XRCC2: variants seen among roughly 807,000 people sequenced by gnomAD.
XRCC2 encodes X-ray repair cross complementing 2.
Under a neutral mutation model 27.3 loss-of-function variants are expected in XRCC2, and 24 were observed. The observed-to-expected ratio is 0.88, with a 90% confidence interval of 0.64 to 1.24. The LOEUF (loss-of-function observed/expected upper bound fraction) is 1.24, where lower values mean the gene tolerates loss of function less well. XRCC2 is among the 50% of genes most tolerant of loss of function. The probability of loss-of-function intolerance (pLI) is 0.00; values close to 1 mark genes in which losing one functional copy is unlikely to be tolerated. For synonymous variants in XRCC2, 106 were observed against 115.4 expected, an observed-to-expected ratio of 0.92 and a Z score of 0.52; for missense variants, 321 against 325.8, an observed-to-expected ratio of 0.99 and a Z score of 0.11.
intron 2 of XRCC2, among the ~76,000 whole-genome samples, chr7:152,655,811 G>T (rs1375817316): frequency 6.6e-6 from 1 of 152,068 alleles, no homozygotes; most frequent in Admixed American, 6.6e-5. Flanking sequence ...AGGAGTTCAA[G>T]ACCAGCCTGG....
intron 2 of XRCC2, among the ~76,000 whole-genome samples, chr7:152,655,094 G>A (rs981371296): frequency 4.6e-5 from 7 of 152,062 alleles, no homozygotes; most frequent in African/African-American, 7.2e-5. Flanking sequence ...GTGACAACTC[G>A]CAGTAAAAAA....
chr7:152,649,307 G>T lies in XRCC2; in HGVS notation c.178C>A (p.His60Asn). 1 of 1,611,568 alleles carries T rather than the reference G, an allele frequency of 6.2e-7. No homozygotes were observed. Residue 60 changes from histidine to asparagine, a missense_variant, in exon 3 of 3, where the codon CAC becomes AAC. Transcript: ENST00000359321. Reference sequence around the variant, plus strand: ...GGAAGTATACATCGTGCTGTTAGGTGATAAAGCATTTCTGTTTTTCCTGTT... The same window carrying T: ...GGAAGTATACATCGTGCTGTTAGGTTATAAAGCATTTCTGTTTTTCCTGTT... ...EGTGKTEMLY[H>N]LTARCILPKS...
intron 2 of XRCC2, among the ~76,000 whole-genome samples, chr7:152,657,514 C>A (rs1057063514): frequency 6.6e-6 from 1 of 152,098 alleles, no homozygotes; most frequent in African/African-American, 2.4e-5. Flanking sequence ...TGGCCTTGAA[C>A]TTCTGACCTC....
At chr7:152,661,601 A>G (rs1178020510) in intron 1 of XRCC2, among the ~76,000 whole-genome samples, 2 of 152,212 alleles carry the variant, frequency 1.3e-5, no homozygotes, top group Non-Finnish European at 2.9e-5. Flanking sequence ...TGCAGAGGTT[A>G]TAAATAGCAT....
intron 1 of XRCC2, among the ~76,000 whole-genome samples, chr7:152,667,634 T>G (rs1306390795): frequency 6.6e-6 from 1 of 151,594 alleles, no homozygotes; most frequent in African/African-American, 2.4e-5. Context: ...TATACTGAAT[T>G]ATAAAGGGGG....
At position 152,647,349 on chromosome 7, in the gene XRCC2, C is replaced by G. The variant is rs1025651915; in HGVS notation, c.*1293G>C. ...CAACAATTTTCTCCCATTCTGTAAG[C>G]TGTCTGTTTACTCTCTTGATAGTTT... is the stretch of plus-strand genomic sequence containing the variant. On this transcript the variant is annotated 3_prime_UTR_variant, in exon 3 of 3. Transcript: ENST00000359321. The G allele has an allele frequency of 1.3e-5, 2 of 149,722 alleles. No homozygotes were observed. Among genetic ancestry groups the G allele is most frequent in the African/African-American group, 5.1e-5 (2 of 39,198 alleles). The allele number at this position is 149,722 out of a possible 1,614,324, so 9.3% of individuals were successfully genotyped here. A position where few individuals can be genotyped will look rare whatever the true frequency, so the allele number is the denominator to read the frequency against.
At chr7:152,666,034 T>A (rs2098035477) in intron 1 of XRCC2, among the ~76,000 whole-genome samples, 1 of 151,752 alleles carries the variant, frequency 6.6e-6, no homozygotes, top group Non-Finnish European at 1.5e-5. Context: ...GATTTGCAAA[T>A]ATGTAAAACA....
chr7:152,644,883 G>A lies in XRCC2; in HGVS notation c.*3759C>T, dbSNP rs1027660221. ...AAAATGTAGTATTCCTACACGTGATGTTAACATCGTTCTCAACAGTTAGCC... is the reference window on the plus strand; with the variant it reads ...AAAATGTAGTATTCCTACACGTGATATTAACATCGTTCTCAACAGTTAGCC... On this transcript the variant is annotated 3_prime_UTR_variant, in exon 3 of 3. Transcript: ENST00000359321. The A allele has an allele frequency of 4.6e-5, 7 of 152,214 alleles. No homozygotes were observed. The highest frequency in any genetic ancestry group is 7.3e-5 in the Non-Finnish European group (5 of 68,042). 9.4% of individuals were successfully genotyped at this position (152,214 alleles called of 1,614,324 possible).
chr7:152,654,926 A>AT (rs1160848260), intron 2 of XRCC2, among the ~76,000 whole-genome samples: 6 of 152,200 alleles, frequency 3.9e-5, no homozygotes, highest in Admixed American at 2.6e-4. Context: ...AGTTTTACTG[A>AT]TTTTATAAAC....
chr7:152,659,320 A>G (rs1218591263), intron 2 of XRCC2, among the ~76,000 whole-genome samples: 1 of 152,190 alleles, frequency 6.6e-6, no homozygotes, highest in Non-Finnish European at 1.5e-5. Flanking sequence ...GAAACAGACA[A>G]TTCAACAATA....
In XRCC2 at chr7:152,676,140, C is replaced by T. The variant is rs571503606; in HGVS notation, c.-61G>A. The stretch of plus-strand genomic sequence containing the variant: ...TCCCGCCACCAACGCCATTCACCAA[C>T]TGCGCAGACTCTACGGCCAGTCAAA... On this transcript the variant is annotated 5_prime_UTR_variant, in exon 1 of 3. Transcript: ENST00000359321. 8.7e-6 allele frequency: 14 copies of T among 1,610,360 alleles called. No individual in the cohort carries two copies. The highest frequency in any genetic ancestry group is 3.3e-4 in the Middle Eastern group (2 of 6,058).
At chr7:152,672,565 A>G (rs1165926971) in intron 1 of XRCC2, among the ~76,000 whole-genome samples, 1 of 152,180 alleles carries the variant, frequency 6.6e-6, no homozygotes, top group African/African-American at 2.4e-5. Flanking sequence ...CAAAATCACA[A>G]TGCTTGCTCC....
rs1057523098 is a variant in XRCC2 at position 152,649,376 on chromosome 7, T to A, written c.122-13A>T. 6.5e-7 allele frequency: 1 copy of A among 1,542,578 alleles called. No homozygotes were observed. The highest frequency in any genetic ancestry group is 8.7e-7 in the Non-Finnish European group (1 of 1,147,640). The stretch of plus-strand genomic sequence containing the variant: ...TCAAGAATATCACCTGTGTAAAATT[T>A]AAAAATCTCAGTCAAAATGCAGTAG... On this transcript the variant is annotated splice_polypyrimidine_tract_variant and intron_variant, in intron 2 of 2. Transcript: ENST00000359321.
At chr7:152,671,910 G>A (rs1324048783) in intron 1 of XRCC2, among the ~76,000 whole-genome samples, 1 of 151,992 alleles carries the variant, frequency 6.6e-6, no homozygotes, top group Non-Finnish European at 1.5e-5. Flanking sequence ...GCGTAGTGGT[G>A]TGTCCCTTTA....
At chr7:152,649,834 A>C (rs1198520694) in intron 2 of XRCC2, among the ~76,000 whole-genome samples, 1 of 152,188 alleles carries the variant, frequency 6.6e-6, no homozygotes, top group Non-Finnish European at 1.5e-5. Context: ...CGCCAGTGAG[A>C]TGCAGGCTGC....
In XRCC2 at chr7:152,660,180, C is replaced by T. The variant is rs573780786; in HGVS notation, c.121+521G>A. ...TGATTACTAGAAATGAGCTTCTTTA[C>T]GGGGAGATAAAATGCTCTAAAGTCA... On this transcript the variant is annotated intron_variant, in intron 2 of 2. Coordinates refer to ENST00000359321, the MANE Select transcript of XRCC2 (RefSeq NM_005431.2). Among the ~76,000 whole-genome samples, 18 of 152,068 alleles carry T rather than the reference C, an allele frequency of 1.2e-4. No individual in the cohort carries two copies. In the South Asian group the frequency reaches 2.5e-3, roughly 21 times the overall value.
In XRCC2 at chr7:152,648,413, G is replaced by GAAA; in HGVS notation, c.*226_*228dup. On this transcript the variant is annotated 3_prime_UTR_variant, in exon 3 of 3. Transcript: ENST00000359321. ...AGACAGAGTAAGACTGTTTCAAAAA[G>GAAA]AAAAAAAAAAAAAAAGAAAACTTTT... The GAAA allele has an allele frequency of 1.9e-5, 5 of 260,250 alleles. No individual in the cohort carries two copies. Among genetic ancestry groups the GAAA allele is most frequent in the South Asian group, 1.2e-4 (1 of 8,024 alleles). The allele number at this position is 260,250 out of a possible 1,614,324, so 16.1% of individuals were successfully genotyped here.
Position 152,646,678 on chromosome 7 carries a change from T to C in XRCC2, c.*1964A>G, listed in dbSNP as rs1444741663. The C allele has an allele frequency of 1.3e-5, 2 of 152,156 alleles. No individual in the cohort carries two copies. The highest frequency in any genetic ancestry group is 4.8e-5 in the African/African-American group (2 of 41,426). The allele number at this position is 152,156 out of a possible 1,614,324, so 9.4% of individuals were successfully genotyped here. A position where few individuals can be genotyped will look rare whatever the true frequency, so the allele number is the denominator to read the frequency against. On this transcript the variant is annotated 3_prime_UTR_variant, in exon 3 of 3. Transcript: ENST00000359321. ...TTTTAATAGAGATGGGGTTTCACCG[T>C]GTTGCCCAGGCTGGTCTTGACCTCC...
Position 152,664,741 on chromosome 7 carries a change from T to C in XRCC2, c.40-3959A>G, listed in dbSNP as rs939488913. Among the ~76,000 whole-genome samples, 3 of 151,908 alleles carry C rather than the reference T, an allele frequency of 2.0e-5. No homozygotes were observed. In the South Asian group the frequency reaches 6.2e-4, roughly 32 times the overall value. The stretch of plus-strand genomic sequence containing the variant: ...CTATTAGAGTAGGTAGACAGACAGG[T>C]GTGAGTGGGGCAAGACAGGCCCCAA... On this transcript the variant is annotated intron_variant, in intron 1 of 2. Transcript: ENST00000359321.
Sources: gnomAD v4.1 joint callset for allele counts (sites outside exome capture counted in the v4.1 genomes callset) on GRCh38, gnomAD v4.1.1 for gene constraint, MANE v1.5 for transcripts, NCBI Gene and HGNC (gene_info 2026-07-23, HGNC 2026-07-21) for gene names.